TMEM132C: variants seen among roughly 807,000 people sequenced by gnomAD.
TMEM132C encodes the protein transmembrane protein 132C, also known as protein phosphatase 1, regulatory subunit 152.
In TMEM132C, 29 loss-of-function variants were observed where a neutral mutation model predicts 61.4. That is an observed-to-expected ratio of 0.47 (90% CI 0.35 to 0.64). TMEM132C has a LOEUF of 0.64. Ranked by LOEUF, TMEM132C falls within the 30% of genes least tolerant of loss-of-function variation. TMEM132C has a pLI of 0.00. For missense variants in TMEM132C, 1,408 were observed against 1,476.9 expected, an observed-to-expected ratio of 0.95 and a Z score of 0.76; for synonymous variants, 656 against 633.1, an observed-to-expected ratio of 1.04 and a Z score of -0.54.
chr12:128,366,381 T>C (rs1402035022), intron 1 of TMEM132C, among the ~76,000 whole-genome samples: 1 of 152,214 alleles, frequency 6.6e-6, no homozygotes, highest in East Asian at 1.9e-4. Context: ...TTTCCTTAGC[T>C]GCTCCTGCAG....
At chr12:128,303,000 A>G (rs1871645854) in intron 1 of TMEM132C, among the ~76,000 whole-genome samples, 1 of 152,184 alleles carries the variant, frequency 6.6e-6, no homozygotes, top group East Asian at 1.9e-4. Flanking sequence ...TGACCTCCAG[A>G]TGGTATTCTC....
intron 1 of TMEM132C, among the ~76,000 whole-genome samples, chr12:128,355,645 C>A (rs73434671): frequency 0.041 from 6,221 of 151,976 alleles, 419 homozygotes; most frequent in African/African-American, 0.14. Context: ...CTTCATACCT[C>A]CCCAACCCCC....
chr12:128,344,381 A>G (rs973852462), intron 1 of TMEM132C, among the ~76,000 whole-genome samples: 4 of 152,102 alleles, frequency 2.6e-5, no homozygotes, highest in Non-Finnish European at 5.9e-5. Context: ...GATAGTCTCC[A>G]TCTTCTCACC....
intron 1 of TMEM132C, among the ~76,000 whole-genome samples, chr12:128,340,904 T>TTCTCTCTCTCTTTCTCTCTC (rs1248067088): frequency 8.2e-6 from 1 of 122,368 alleles, no homozygotes; most frequent in Admixed American, 8.0e-5. Context: ...CTTTCTCTCT[T>TTCTCTCTCTCTTTCTCTCTC]TCTCTCTCTC....
At chr12:128,526,060 C>T (rs1873074962) in intron 2 of TMEM132C, among the ~76,000 whole-genome samples, 1 of 152,210 alleles carries the variant, frequency 6.6e-6, no homozygotes, top group South Asian at 2.1e-4. Flanking sequence ...AAACCAAGTT[C>T]AGGGTCAGTC....
chr12:128,488,051 C>G (rs190929255), intron 2 of TMEM132C, among the ~76,000 whole-genome samples: 51 of 152,308 alleles, frequency 3.3e-4, no homozygotes, highest in Admixed American at 5.2e-4. Flanking sequence ...TGGGAAAGAG[C>G]AGAGTTCTAA....
At chr12:128,374,990 C>CT (rs71069562) in intron 1 of TMEM132C, among the ~76,000 whole-genome samples, 2 of 141,418 alleles carry the variant, frequency 1.4e-5, no homozygotes, top group Admixed American at 7.3e-5. Context: ...AAAACCATTC[C>CT]CAGCCTCAGC....
At chr12:128,451,496 A>G (rs1870174499) in intron 2 of TMEM132C, among the ~76,000 whole-genome samples, 1 of 152,212 alleles carries the variant, frequency 6.6e-6, no homozygotes, top group Non-Finnish European at 1.5e-5. Flanking sequence ...TGTGAGGTTC[A>G]TTAATCAACC....
intron 2 of TMEM132C, among the ~76,000 whole-genome samples, chr12:128,446,237 G>T (rs1335198326): frequency 6.6e-6 from 1 of 152,234 alleles, no homozygotes; most frequent in Non-Finnish European, 1.5e-5. Context: ...GTGGGGAAGA[G>T]CTACCTCCTT....
chr12:128,339,125 C>T (rs1052070589), intron 1 of TMEM132C, among the ~76,000 whole-genome samples: 1 of 152,088 alleles, frequency 6.6e-6, no homozygotes, highest in East Asian at 1.9e-4. Flanking sequence ...GAGTGGGCGT[C>T]TGTGTTGGGG....
intron 1 of TMEM132C, among the ~76,000 whole-genome samples, chr12:128,409,838 C>T (rs1296122284): frequency 1.3e-5 from 2 of 152,188 alleles, no homozygotes; most frequent in Admixed American, 1.3e-4. Context: ...ATTCTGCTAA[C>T]TCATTTTACC....
At position 128,686,619 on chromosome 12, in the gene TMEM132C, A is replaced by G. The variant is rs534134528; in HGVS notation, c.1450-7210A>G. ...GTTGAAAAACACAACAACACTGTGT[A>G]GGCCAAATGTGATGGGAGGCCACCA... On this transcript the variant is annotated intron_variant, in intron 5 of 8. Coordinates refer to ENST00000435159, the MANE Select transcript of TMEM132C (RefSeq NM_001136103.3). Among the ~76,000 whole-genome samples, 10 of 152,282 alleles carry G rather than the reference A, an allele frequency of 6.6e-5. No individual in the cohort carries two copies. In the South Asian group the frequency reaches 2.1e-3, roughly 32 times the overall value.
intron 2 of TMEM132C, chr12:128,439,277 T>C (rs1239984752): frequency 6.6e-6 from 1 of 152,214 alleles, no homozygotes; most frequent in Non-Finnish European, 1.5e-5. Context: ...TGTGCATCTT[T>C]TGAGGCTGGG....
chr12:128,703,353 G>C (rs1481407287), intron 8 of TMEM132C, among the ~76,000 whole-genome samples: 2 of 152,114 alleles, frequency 1.3e-5, no homozygotes, highest in Non-Finnish European at 2.9e-5. Context: ...ATCTGTCCAT[G>C]TGTTCTCATC....
intron 2 of TMEM132C, among the ~76,000 whole-genome samples, chr12:128,465,047 G>A (rs1486732724): frequency 6.6e-6 from 1 of 152,086 alleles, no homozygotes; most frequent in Non-Finnish European, 1.5e-5. Context: ...TGTGCTTTCT[G>A]CAATCACGTC....
At chr12:128,532,595 G>A (rs1039416612) in intron 2 of TMEM132C, among the ~76,000 whole-genome samples, 30 of 102,310 alleles carry the variant, frequency 2.9e-4, no homozygotes, top group African/African-American at 1.4e-3. Context: ...AGCTGAGATC[G>A]CGCCATTTGC....
At chr12:128,269,834 C>T (rs1474398311) in intron 1 of TMEM132C, among the ~76,000 whole-genome samples, 1 of 145,802 alleles carries the variant, frequency 6.9e-6, no homozygotes, top group African/African-American at 2.6e-5. Flanking sequence ...AAAAAAAAAG[C>T]CATCTCTGTC....
rs189766996 is a variant in TMEM132C, at chr12:128,654,674, C to T, written c.1306-14743C>T. On this transcript the variant is annotated intron_variant, in intron 4 of 8. Coordinates refer to ENST00000435159, the MANE Select transcript of TMEM132C (RefSeq NM_001136103.3). The stretch of plus-strand genomic sequence containing the variant: ...TAACTAGGAAGCTCTTGTCACTCAG[C>T]GCCACACGCACCCTGCTGTACTCTG... 2.4e-4 allele frequency among the ~76,000 whole-genome samples: 37 copies of T among 152,236 alleles called. No individual in the cohort carries two copies. The East Asian group carries it at 6.8e-3, about 28-fold the overall frequency.
At chr12:128,465,312 A>ACTCAGC (rs1259181688) in intron 2 of TMEM132C, among the ~76,000 whole-genome samples, 1 of 150,958 alleles carries the variant, frequency 6.6e-6, no homozygotes, top group Non-Finnish European at 1.5e-5. Context: ...CATTCTCCTG[A>ACTCAGC]CTCAGCCTCC....
Sources: gnomAD v4.1 joint callset for allele counts (sites outside exome capture counted in the v4.1 genomes callset) on GRCh38, gnomAD v4.1.1 for gene constraint, MANE v1.5 for transcripts, NCBI Gene and HGNC (gene_info 2026-07-23, HGNC 2026-07-21) for gene names.